Variants in FHDC1 observed in about 807,000 individuals in gnomAD.
FHDC1 encodes the protein FH2 domain containing 1.
FHDC1 carries 25 observed loss-of-function variants against 52.6 expected under a neutral mutation model. The ratio of observed to expected loss-of-function variants is 0.48; its 90% confidence interval spans 0.35 to 0.66. FHDC1 has a LOEUF of 0.66. Among genes scored for constraint, FHDC1 ranks in the 30% least tolerant of loss-of-function variants. The probability of loss-of-function intolerance (pLI) is 0.01; values close to 1 mark genes in which losing one functional copy is unlikely to be tolerated. For synonymous variants in FHDC1, 616 were observed against 581.5 expected (o/e 1.06, Z -0.85); for missense variants, 1,459 against 1,452.8 (o/e 1.00, Z -0.07).
In FHDC1 at chr4:152,976,763, T is replaced by G. The variant is rs1740905998; in HGVS notation, c.*40T>G. On this transcript the variant is annotated 3_prime_UTR_variant, in exon 12 of 12. Transcript: ENST00000511601. ...CTCCTGCCTCCTGGGATTCAGACGG[T>G]GAAGACTGACTTCTGGGACGAGGAT... The G allele has an allele frequency of 2.8e-6, 4 of 1,449,102 alleles. No individual in the cohort carries two copies. Among genetic ancestry groups the G allele is most frequent in the Non-Finnish European group, 3.6e-6 (4 of 1,097,034 alleles). The allele number at this position is 1,449,102 out of a possible 1,614,324, so 89.8% of individuals were successfully genotyped here.
At chr4:152,969,689 A>G (rs1740579144) in intron 10 of FHDC1, among the ~76,000 whole-genome samples, 1 of 134,176 alleles carries the variant, frequency 7.5e-6, no homozygotes, top group South Asian at 2.5e-4. Flanking sequence ...TTTTTTCCCG[A>G]GACAGAGTCT....
At chr4:152,924,071 A>G in the FHDC1 span, among the ~76,000 whole-genome samples, 2 of 150,702 alleles carry the variant, frequency 1.3e-5, no homozygotes, top group African/African-American at 4.8e-5. Flanking sequence ...TGAACAGGCA[A>G]CCTACAAAAT....
rs527447895 is a variant in FHDC1 at position 152,944,598 on chromosome 4, C to T, written c.498+1043C>T. On this transcript the variant is annotated intron_variant, in intron 2 of 11. Coordinates refer to ENST00000511601, the MANE Select transcript of FHDC1 (RefSeq NM_001371116.1). ...ATTGACCTCTTTTCTCTTTCTCTCT[C>T]TTAACTCCTTCTCTCCACTAATTCA... Among the ~76,000 whole-genome samples, 193 of 152,320 alleles carry T rather than the reference C, an allele frequency of 1.3e-3. 1 individual carries two copies. The highest frequency in any genetic ancestry group is 3.4e-3 in the Middle Eastern group (1 of 294).
At chr4:152,933,386 G>A (rs575442496), upstream of FHDC1, among the ~76,000 whole-genome samples, 1 of 152,238 alleles carries the variant, frequency 6.6e-6, no homozygotes, top group South Asian at 2.1e-4. Context: ...GAAGAGTTGC[G>A]CCATGCTTCA....
intron 11 of FHDC1, 144 bp downstream of exon 11, chr4:152,972,685 T>C: frequency 1.0e-6 from 1 of 991,176 alleles, no homozygotes; most frequent in Middle Eastern, 3.4e-4. Context: ...TGCCAGGCTC[T>C]CGGCTGGGAT....
the FHDC1 span, among the ~76,000 whole-genome samples, chr4:152,915,497 A>G: frequency 6.6e-6 from 1 of 152,234 alleles, no homozygotes; most frequent in Middle Eastern, 3.2e-3. Context: ...AAAAATATTC[A>G]GTGCTTGCAC....
Position 152,943,282 on chromosome 4 carries a change from C to A in FHDC1, c.225C>A (p.Pro75=). The change falls in exon 2 of 12, where the codon CCC becomes CCA. Residue 75 remains proline, a synonymous_variant. Coordinates refer to ENST00000511601, the MANE Select transcript of FHDC1 (RefSeq NM_001371116.1). The stretch of plus-strand genomic sequence containing the variant: ...CTGGGGAGCCTCCCATCCCACCTCC[C>A]CCACCAGGCCTACCCCCAACTACTC... ...PLPGEPPIPP[P]PPGLPPTTHM... The A allele has an allele frequency of 6.2e-7, 1 of 1,611,276 alleles. No homozygotes were observed. The highest frequency in any genetic ancestry group is 8.5e-7 in the Non-Finnish European group (1 of 1,178,662).
chr4:152,950,255 A>C (rs1739883735), intron 2 of FHDC1, among the ~76,000 whole-genome samples: 1 of 152,170 alleles, frequency 6.6e-6, no homozygotes, highest in Non-Finnish European at 1.5e-5. Context: ...AGATAAGCTA[A>C]TTTACATGTG....
At chr4:152,920,817 T>C in the FHDC1 span, among the ~76,000 whole-genome samples, 2 of 152,082 alleles carry the variant, frequency 1.3e-5, no homozygotes, top group Admixed American at 6.5e-5. Context: ...AAAATTTCAT[T>C]GTTCTACCGA....
intron 1 of FHDC1, among the ~76,000 whole-genome samples, chr4:152,937,745 C>T (rs905865213): frequency 1.3e-5 from 2 of 152,004 alleles, no homozygotes; most frequent in African/African-American, 4.8e-5. Flanking sequence ...CCGCGACGCC[C>T]TTCTGCCCGG....
At chr4:152,925,782 C>G in the FHDC1 span, among the ~76,000 whole-genome samples, 1 of 150,794 alleles carries the variant, frequency 6.6e-6, no homozygotes, top group East Asian at 1.9e-4. Flanking sequence ...TTTAAACTCC[C>G]AAGGGTAACC....
intron 10 of FHDC1, among the ~76,000 whole-genome samples, chr4:152,971,326 A>C (rs1405388707): frequency 6.6e-6 from 1 of 152,208 alleles, no homozygotes; most frequent in African/African-American, 2.4e-5. Context: ...ATTGTACTCC[A>C]GCCTGGGTAA....
At chr4:152,971,260 G>A (rs1740628186) in intron 10 of FHDC1, among the ~76,000 whole-genome samples, 2 of 152,138 alleles carry the variant, frequency 1.3e-5, no homozygotes, top group Non-Finnish European at 2.9e-5. Flanking sequence ...GGAGGCCGAG[G>A]TGGGAGGATT....
At chr4:152,950,601 G>A (rs950912129) in intron 2 of FHDC1, among the ~76,000 whole-genome samples, 5 of 152,224 alleles carry the variant, frequency 3.3e-5, no homozygotes, top group Non-Finnish European at 7.3e-5. Context: ...TTGGGGCACC[G>A]TGGGCTGCTC....
intron 10 of FHDC1, among the ~76,000 whole-genome samples, chr4:152,970,804 C>T (rs1240954093): frequency 3.9e-5 from 6 of 152,116 alleles, no homozygotes; most frequent in Admixed American, 1.3e-4. Context: ...AAGAGAAGGG[C>T]TTTTAAGGGG....
At position 152,975,841 on chromosome 4, in the gene FHDC1, G is replaced by A. The variant is rs1168446815; in HGVS notation, c.2550G>A (p.Arg850=). 1.3e-6 allele frequency: 2 copies of A among 1,517,114 alleles called. No homozygotes were observed. The highest frequency in any genetic ancestry group is 8.8e-7 in the Non-Finnish European group (1 of 1,134,248). The allele number at this position is 1,517,114 out of a possible 1,614,324, so 94.0% of individuals were successfully genotyped here. The part of the protein sequence containing the change: ...SEPSCKGGLP[R]DKPTKRKDVV... ...CCAGCTGCAAGGGCGGCCTGCCCAG[G>A]GACAAACCCACCAAAAGGAAAGATG... The change falls in exon 12 of 12, where the codon AGG becomes AGA. Residue 850 remains arginine, a synonymous_variant. Coordinates refer to ENST00000511601, the MANE Select transcript of FHDC1 (RefSeq NM_001371116.1).
Position 152,974,937 on chromosome 4 carries a change from G to A in FHDC1, c.1646G>A (p.Arg549Gln), listed in dbSNP as rs374113088. Residue 549 changes from arginine (R) to glutamine (Q), a missense_variant, in exon 12 of 12, where the codon CGG (arginine) becomes CAG (glutamine). Physicochemically the swap from Arg to Gln is conservative, Grantham distance 43. Transcript: ENST00000511601. ...CTCTCCCTGGGTCCCTCTGCTGACC[G>A]GGAGCTGCTGACCTTCTTGGAGAGC... is the stretch of plus-strand genomic sequence containing the variant. ...SRLSLGPSAD[R>Q]ELLTFLESST... The A allele has an allele frequency of 3.6e-5, 58 of 1,612,224 alleles. No individual in the cohort carries two copies. The highest frequency in any genetic ancestry group is 1.6e-4 in the African/African-American group (12 of 74,884).
chr4:152,945,309 C>T (rs1476262056), intron 2 of FHDC1, among the ~76,000 whole-genome samples: 9 of 152,186 alleles, frequency 5.9e-5, no homozygotes. Flanking sequence ...TAATCTTTCT[C>T]TTGCCTTCCT....
At chr4:152,938,865 G>T (rs553900515) in intron 1 of FHDC1, among the ~76,000 whole-genome samples, 1 of 151,690 alleles carries the variant, frequency 6.6e-6, no homozygotes, top group Non-Finnish European at 1.5e-5. Flanking sequence ...TGAGCACCAG[G>T]ACCGCTGGTG....
Sources: allele counts gnomAD v4.1 joint callset (sites outside exome capture counted in the v4.1 genomes callset), GRCh38; gene constraint gnomAD v4.1.1; transcripts MANE v1.5; gene names NCBI Gene and HGNC (gene_info 2026-07-23, HGNC 2026-07-21).